Variants in GRIK3 observed in about 807,000 individuals in gnomAD.
GRIK3 encodes the protein glutamate receptor ionotropic, kainate 3.
GRIK3 carries 29 observed loss-of-function variants against 102.5 expected under a neutral mutation model. That is an observed-to-expected ratio of 0.28 (90% CI 0.21 to 0.39). GRIK3 has a LOEUF of 0.39. Among genes scored for constraint, GRIK3 ranks in the 10% least tolerant of loss-of-function variants. The pLI is 1.00. For synonymous variants in GRIK3, 511 were observed against 504.9 expected, an observed-to-expected ratio of 1.01 and a Z score of -0.16; for missense variants, 908 against 1,252.4, an observed-to-expected ratio of 0.73 and a Z score of 4.15.
At chr1:36,807,743 G>T (rs1436962381) in intron 13 of GRIK3, among the ~76,000 whole-genome samples, 3 of 152,188 alleles carry the variant, frequency 2.0e-5, no homozygotes, top group Non-Finnish European at 4.4e-5. Context: ...AAAGCCACAG[G>T]CAGGACCCCT....
chr1:36,898,763 G>A (rs1340806832), intron 1 of GRIK3, among the ~76,000 whole-genome samples: 1 of 152,040 alleles, frequency 6.6e-6, no homozygotes, highest in East Asian at 1.9e-4. Flanking sequence ...TGAAAAAGAA[G>A]AACAAAGTTG....
intron 2 of GRIK3, among the ~76,000 whole-genome samples, chr1:36,885,970 T>C (rs959890163): frequency 1.3e-5 from 2 of 152,124 alleles, no homozygotes; most frequent in Non-Finnish European, 2.9e-5. Flanking sequence ...TCAATTTGTG[T>C]CTTAAAAGGA....
intron 2 of GRIK3, among the ~76,000 whole-genome samples, chr1:36,886,358 T>C (rs1241383293): frequency 6.6e-6 from 1 of 152,144 alleles, no homozygotes; most frequent in Admixed American, 6.5e-5. Context: ...GGAAAATGAA[T>C]TATTTCTGGA....
chr1:36,953,961 G>T (rs763494991), intron 1 of GRIK3, among the ~76,000 whole-genome samples: 1 of 152,162 alleles, frequency 6.6e-6, no homozygotes, highest in Non-Finnish European at 1.5e-5. Context: ...TCTCCCAAGG[G>T]TACTGCCCCT....
In GRIK3 at chr1:36,854,610, C is replaced by T. The variant is rs908476882; in HGVS notation, c.1105-888G>A. 1.4e-4 allele frequency among the ~76,000 whole-genome samples: 21 copies of T among 152,248 alleles called. 1 individual carries two copies. The South Asian group carries it at 1.9e-3, about 14-fold the overall frequency. ...TTTATTAGCTCACAGCCATGCCCCC[C>T]GTGTTTATATATTACTTGTGTGCTG... On this transcript the variant is annotated intron_variant, in intron 7 of 15. Transcript: ENST00000373091.
At chr1:36,896,312 A>G (rs1339974809) in intron 1 of GRIK3, among the ~76,000 whole-genome samples, 1 of 152,178 alleles carries the variant, frequency 6.6e-6, no homozygotes, top group African/African-American at 2.4e-5. Context: ...ATAAATATCC[A>G]CTTATGTATG....
chr1:36,862,708 G>A (rs532605750), intron 5 of GRIK3, among the ~76,000 whole-genome samples: 174 of 152,300 alleles, frequency 1.1e-3, no homozygotes, highest in African/African-American at 4.0e-3. Flanking sequence ...GACCACCTGG[G>A]CTCGAGTTTC....
intron 2 of GRIK3, among the ~76,000 whole-genome samples, chr1:36,881,107 G>A (rs1203446228): frequency 6.6e-6 from 1 of 152,168 alleles, no homozygotes. Flanking sequence ...GGAAAGACAT[G>A]GTTGTGGGAG....
chr1:37,006,361 T>C (rs773956322), intron 1 of GRIK3, among the ~76,000 whole-genome samples: 8 of 152,342 alleles, frequency 5.3e-5, no homozygotes, highest in Non-Finnish European at 1.0e-4. Context: ...GGCCTAAATA[T>C]AGCCAGCAGG....
chr1:37,014,145 A>G (rs1557463655), intron 1 of GRIK3, among the ~76,000 whole-genome samples: 1 of 152,212 alleles, frequency 6.6e-6, no homozygotes, highest in African/African-American at 2.4e-5. Flanking sequence ...TGGCCTTCCA[A>G]TTGTTTCCAT....
At chr1:36,964,274 G>C (rs1204915909) in intron 1 of GRIK3, among the ~76,000 whole-genome samples, 1 of 152,198 alleles carries the variant, frequency 6.6e-6, no homozygotes, top group Non-Finnish European at 1.5e-5. Context: ...GAGGGTTCAG[G>C]ATTTCTCAGA....
intron 1 of GRIK3, among the ~76,000 whole-genome samples, chr1:36,991,035 G>A (rs932322463): frequency 6.6e-6 from 1 of 152,182 alleles, no homozygotes; most frequent in African/African-American, 2.4e-5. Flanking sequence ...GGGGCAGAGA[G>A]TATAAATTGA....
At chr1:36,859,796 G>C in intron 6 of GRIK3, 48 bp downstream of exon 6, 1 of 1,402,094 alleles carries the variant, frequency 7.1e-7, no homozygotes. Flanking sequence ...AGAAAAGAAG[G>C]GAGGCAGGTG....
intron 1 of GRIK3, among the ~76,000 whole-genome samples, chr1:36,935,242 C>T (rs1015441494): frequency 5.3e-5 from 8 of 152,028 alleles, no homozygotes; most frequent in Admixed American, 2.0e-4. Flanking sequence ...TAAATATTGG[C>T]GGAATAAATG....
At position 36,817,276 on chromosome 1, in the gene GRIK3, C is replaced by G; in HGVS notation, c.1875G>C (p.Gly625=). Residue 625 remains glycine, a splice_region_variant and synonymous_variant, in exon 13 of 16, where the codon GGG becomes GGC. Coordinates refer to ENST00000373091, the MANE Select transcript of GRIK3 (RefSeq NM_000831.4). The stretch of plus-strand genomic sequence containing the variant: ...ACAGGGCTTTGGGCATCAGCTCAGA[C>G]CCTGGGCGAAGAGAGGAGATAGTCA... ...WFGMGSLMQQ[G]SELMPKALST... is the part of the protein sequence containing the mutation. 5 of 1,607,112 alleles carry G rather than the reference C, an allele frequency of 3.1e-6. No homozygotes were observed. Among genetic ancestry groups the G allele is most frequent in the Non-Finnish European group, 4.3e-6 (5 of 1,173,680 alleles).
At chr1:36,834,652 T>C (rs1557696931) in intron 10 of GRIK3, among the ~76,000 whole-genome samples, 1 of 152,144 alleles carries the variant, frequency 6.6e-6, no homozygotes, top group Non-Finnish European at 1.5e-5. Context: ...CCTGTGCCTA[T>C]TTCTTAGGAA....
intron 1 of GRIK3, among the ~76,000 whole-genome samples, chr1:36,942,827 T>A (rs1222192362): frequency 6.6e-6 from 1 of 152,092 alleles, no homozygotes; most frequent in East Asian, 1.9e-4. Context: ...CCAGGAGAAC[T>A]GAGGTGAAGC....
Position 37,034,030 on chromosome 1 carries a change from G to A in GRIK3, c.79C>T (p.Pro27Ser). 1 of 1,605,808 alleles carries A rather than the reference G, an allele frequency of 6.2e-7. No individual in the cohort carries two copies. The highest frequency in any genetic ancestry group is 8.5e-7 in the Non-Finnish European group (1 of 1,176,772). Residue 27 changes from proline to serine, a missense_variant, in exon 1 of 16, where the codon CCG becomes TCG. Physicochemically the swap from Pro to Ser is moderately conservative, Grantham distance 74. Transcript: ENST00000373091. ...ACGTGGGGCATCCCGCGCGAGTCCG[G>A]GATCCAGAAGGCGCACACGAGGAGC... ...AGLLVCAFWI[P>S]DSRGMPHVIR...
intron 15 of GRIK3, among the ~76,000 whole-genome samples, chr1:36,803,943 C>T (rs893371581): frequency 2.0e-5 from 3 of 152,316 alleles, no homozygotes; most frequent in Non-Finnish European, 1.5e-5. Context: ...ACACAGTGTA[C>T]ATTTCTAAAA....
Sources: gnomAD v4.1 joint callset for allele counts (sites outside exome capture counted in the v4.1 genomes callset) on GRCh38, gnomAD v4.1.1 for gene constraint, MANE v1.5 for transcripts, NCBI Gene and HGNC (gene_info 2026-07-23, HGNC 2026-07-21) for gene names.